Variants in GOLGA3 observed in about 807,000 individuals in gnomAD.
GOLGA3 encodes the protein golgin A3, also known as golgin subfamily A member 3.
In GOLGA3, 75 loss-of-function variants were observed where a neutral mutation model predicts 169.4. The ratio of observed to expected loss-of-function variants is 0.44; its 90% CI spans 0.37 to 0.54. The LOEUF (loss-of-function observed/expected upper bound fraction) is 0.54. Ranked by LOEUF, GOLGA3 falls within the 20% of genes least tolerant of loss-of-function variation. The pLI, the probability that GOLGA3 is intolerant of heterozygous loss-of-function variation, is 0.00. For synonymous variants in GOLGA3, 824 were observed against 822.4 expected, an observed-to-expected ratio of 1.00 and a Z score of -0.03; for missense variants, 1,899 against 1,930.0, an observed-to-expected ratio of 0.98 and a Z score of 0.30.
intron 13 of GOLGA3, 27 bp from the exon 14 acceptor site, chr12:132,786,814 A>C: frequency 6.8e-7 from 1 of 1,463,572 alleles, no homozygotes; most frequent in East Asian, 2.3e-5. Flanking sequence ...GGGCGTGAGG[A>C]GCGGCACTGC....
At chr12:132,785,178 C>A (rs992562568) in intron 15 of GOLGA3, among the ~76,000 whole-genome samples, 1 of 152,214 alleles carries the variant, frequency 6.6e-6, no homozygotes, top group Non-Finnish European at 1.5e-5. Flanking sequence ...GCTGCAACAG[C>A]GTGGCGAGGG....
chr12:132,786,505 G>A lies in GOLGA3; in HGVS notation c.2957C>T (p.Thr986Ile). The A allele has an allele frequency of 6.2e-7, 1 of 1,613,520 alleles. No homozygotes were observed. The highest frequency in any genetic ancestry group is 8.5e-7 in the Non-Finnish European group (1 of 1,179,920). The change falls in exon 15 of 24, where the codon ACC (threonine) becomes ATC (isoleucine). Residue 986 changes from threonine to isoleucine, a missense_variant. Physicochemically the swap from Thr to Ile is moderately conservative, Grantham distance 89 (BLOSUM62 -1). Coordinates refer to ENST00000450791, the MANE Select transcript of GOLGA3 (RefSeq NM_001389683.1). ...GGTCTTCATCTCCTTCTGGGCGCTGGTCAAGTCTGAGCCCAGCCGCCTCAT... is the reference window on the plus strand; with the variant it reads ...GGTCTTCATCTCCTTCTGGGCGCTGATCAAGTCTGAGCCCAGCCGCCTCAT... ...QKMRRLGSDL[T>I]SAQKEMKTKH...
intron 2 of GOLGA3, 65 bp from the exon 3 acceptor site, chr12:132,816,877 A>G (rs931795019): frequency 2.2e-6 from 3 of 1,387,806 alleles, no homozygotes; most frequent in African/African-American, 1.5e-5. Context: ...CTTTTCAGAC[A>G]TGCAGCTGGA....
rs1048134491 is a variant in GOLGA3 at position 132,804,512 on chromosome 12, G to A, written c.1597+204C>T. ...AGCTGTCAGCACCAGGGAGGAGGGCGTGGCGAGGACCAGTCAGGGAAGGAG... is the reference window on the plus strand; with the variant it reads ...AGCTGTCAGCACCAGGGAGGAGGGCATGGCGAGGACCAGTCAGGGAAGGAG... On this transcript the variant is annotated intron_variant, in intron 7 of 23. Coordinates refer to ENST00000450791, the MANE Select transcript of GOLGA3 (RefSeq NM_001389683.1). The surrounding 1 kb of genome is among the most constrained non-coding windows in gnomAD (Gnocchi z 4.1). Among the ~76,000 whole-genome samples, 4 of 152,074 alleles carry A rather than the reference G, an allele frequency of 2.6e-5. No homozygotes were observed. Among genetic ancestry groups the A allele is most frequent in the Non-Finnish European group, 4.4e-5 (3 of 67,998 alleles).
At chr12:132,824,370 C>A (rs1295945901) in intron 1 of GOLGA3, among the ~76,000 whole-genome samples, 2 of 152,224 alleles carry the variant, frequency 1.3e-5, no homozygotes, top group African/African-American at 4.8e-5. Flanking sequence ...AGGCCAGAGA[C>A]AGTTATGAGT....
At chr12:132,774,788 G>C (rs1057324434) in intron 22 of GOLGA3, 1 of 466,592 alleles carries the variant, frequency 2.1e-6, no homozygotes, top group African/African-American at 2.0e-5. Context: ...GGAAAACATG[G>C]ATGTGGACCG....
Position 132,796,250 on chromosome 12 carries a change from C to T in GOLGA3, c.2101-30G>A, listed in dbSNP as rs367756996. On this transcript the variant is annotated intron_variant, in intron 10 of 23. Coordinates refer to ENST00000450791, the MANE Select transcript of GOLGA3 (RefSeq NM_001389683.1). ...AGAAGGAATGAAGCCCACATGGCTG[C>T]GCCTGACCCTCCTCCGAGAGCGTAT... 2.3e-5 allele frequency: 36 copies of T among 1,558,426 alleles called. No individual in the cohort carries two copies. The African/African-American group carries it at 3.4e-4, about 15-fold the overall frequency.
At chr12:132,810,014 G>A (rs1025651732) in intron 4 of GOLGA3, among the ~76,000 whole-genome samples, 1 of 152,122 alleles carries the variant, frequency 6.6e-6, no homozygotes, top group Non-Finnish European at 1.5e-5. Context: ...GGAGGCTGAG[G>A]CGGGCAGATC....
In GOLGA3 at chr12:132,791,298, G is replaced by A. The variant is rs758945862; in HGVS notation, c.2470-5C>T. The A allele has an allele frequency of 6.4e-6, 10 of 1,573,792 alleles. No homozygotes were observed. The highest frequency in any genetic ancestry group is 8.7e-6 in the Non-Finnish European group (10 of 1,146,272). On this transcript the variant is annotated splice_region_variant and splice_polypyrimidine_tract_variant and intron_variant, in intron 11 of 23. Transcript: ENST00000450791. ...CTCCTGCTGCAGGTGTTCCACCTGT[G>A]GGAGACATGTGCACAGACATTACAC... is the stretch of plus-strand genomic sequence containing the variant.
chr12:132,828,722 C>G (rs1950527933), intron 1 of GOLGA3, 81 bp downstream of exon 1: 1 of 152,972 alleles, frequency 6.5e-6, no homozygotes, highest in Admixed American at 6.6e-5. Flanking sequence ...CCCCTCGAGC[C>G]TCCCCCGCCC....
chr12:132,813,777 T>G (rs2136677133), intron 3 of GOLGA3, among the ~76,000 whole-genome samples: 1 of 140,496 alleles, frequency 7.1e-6, no homozygotes, highest in Admixed American at 7.9e-5. Context: ...CAGAATGGAG[T>G]GCAGTGGCAT....
In GOLGA3 at chr12:132,777,202, T is replaced by C. The variant is rs2045295709; in HGVS notation, c.3723-112A>G. On this transcript the variant is annotated intron_variant, in intron 19 of 23. Transcript: ENST00000450791. The surrounding 1 kb of genome is among the most constrained non-coding windows in gnomAD (Gnocchi z 4.7). ...GCGTTCGTCCTGGCAGGCCCTCTGC[T>C]GTGCACTGCGTGCTGCAGCCATGCT... 3 of 1,172,176 alleles carry C rather than the reference T, an allele frequency of 2.6e-6. No homozygotes were observed. Among genetic ancestry groups the C allele is most frequent in the East Asian group, 4.8e-5 (2 of 41,752 alleles). 72.6% of individuals were successfully genotyped at this position (1,172,176 alleles called of 1,614,324 possible). A position where few individuals can be genotyped will look rare whatever the true frequency, so the allele number is the denominator to read the frequency against.
chr12:132,820,194 C>G (rs1434994798), intron 2 of GOLGA3, among the ~76,000 whole-genome samples: 1 of 151,770 alleles, frequency 6.6e-6, no homozygotes, highest in Non-Finnish European at 1.5e-5. Flanking sequence ...AAAAAATCAG[C>G]TAGGCGTGCT....
chr12:132,775,526 A>C (rs992890318), intron 21 of GOLGA3, among the ~76,000 whole-genome samples: 1 of 152,232 alleles, frequency 6.6e-6, no homozygotes, highest in Non-Finnish European at 1.5e-5. Context: ...CAATCCAAAA[A>C]TTTGAAATGT....
At chr12:132,780,105 G>C (rs1361832796) in intron 18 of GOLGA3, among the ~76,000 whole-genome samples, 2 of 78,572 alleles carry the variant, frequency 2.5e-5, no homozygotes, top group African/African-American at 1.0e-4. Flanking sequence ...ACACTTGCAC[G>C]CACAGCCCCC....
At chr12:132,800,392 G>A (rs1009107607) in intron 8 of GOLGA3, among the ~76,000 whole-genome samples, 10 of 152,064 alleles carry the variant, frequency 6.6e-5, no homozygotes, top group African/African-American at 2.4e-4. Flanking sequence ...TACTCGGGAC[G>A]CTGAGGCAGG....
intron 2 of GOLGA3, among the ~76,000 whole-genome samples, chr12:132,821,099 CAAAAAAAAAAAAA>C (rs61336622): frequency 2.0e-5 from 1 of 49,340 alleles, no homozygotes; most frequent in Non-Finnish European, 3.5e-5. Context: ...GACACCGTCT[CAAAAAAAAAAAAA>C]AAAAAAAAAA....
At chr12:132,784,784 GCA>G (rs201119736) in intron 15 of GOLGA3, among the ~76,000 whole-genome samples, 417 of 130,518 alleles carry the variant, frequency 3.2e-3, no homozygotes, top group Non-Finnish European at 5.1e-3. Context: ...CACCACACAT[GCA>G]CATGTGCTCA....
At chr12:132,803,214 A>G (rs967748777) in intron 7 of GOLGA3, among the ~76,000 whole-genome samples, 14 of 152,238 alleles carry the variant, frequency 9.2e-5, no homozygotes, top group African/African-American at 2.9e-4. Flanking sequence ...GCACCAAGGC[A>G]GGCAGAGTAT....
Sources: allele counts gnomAD v4.1 joint callset (sites outside exome capture counted in the v4.1 genomes callset), GRCh38; gene constraint gnomAD v4.1.1; non-coding constraint Gnocchi (gnomAD v3.1); transcripts MANE v1.5; gene names NCBI Gene and HGNC (gene_info 2026-07-23, HGNC 2026-07-21).